The following SH2D4B variants were observed in gnomAD, a reference collection of about 807,000 sequenced individuals.
SH2D4B encodes the protein SH2 domain containing 4B, also known as SH2 domain-containing protein 4B.
SH2D4B carries 45 observed loss-of-function variants against 61.5 expected under a neutral mutation model. The observed-to-expected ratio is 0.73, with a 90% CI of 0.58 to 0.94. The LOEUF (loss-of-function observed/expected upper bound fraction) is 0.94, where lower values mean the gene tolerates loss of function less well. Ranked by LOEUF, SH2D4B falls within the 40% of genes least tolerant of loss-of-function variation. The probability of loss-of-function intolerance (pLI) is 0.00; values close to 1 mark genes in which losing one functional copy is unlikely to be tolerated. For missense variants in SH2D4B, 572 were observed against 574.2 expected, an observed-to-expected ratio of 1.00 and a Z score of 0.04; for synonymous variants, 224 against 220.4, an observed-to-expected ratio of 1.02 and a Z score of -0.14.
At chr10:80,549,328 G>A (rs1315041883) in intron 1 of SH2D4B, among the ~76,000 whole-genome samples, 1 of 152,136 alleles carries the variant, frequency 6.6e-6, no homozygotes, top group Non-Finnish European at 1.5e-5. Context: ...CCTGGACCTT[G>A]AGATCCGGTA....
chr10:80,542,765 C>T (rs1424623398), intron 1 of SH2D4B, among the ~76,000 whole-genome samples: 1 of 152,108 alleles, frequency 6.6e-6, no homozygotes, highest in Admixed American at 6.5e-5. Flanking sequence ...GCCTCTCATC[C>T]TTCTGGATGC....
At chr10:80,613,625 T>A (rs1842627420) in intron 6 of SH2D4B, among the ~76,000 whole-genome samples, 1 of 152,218 alleles carries the variant, frequency 6.6e-6, no homozygotes, top group African/African-American at 2.4e-5. Context: ...GGGTGGGCCT[T>A]TGGCTGTCCT....
At chr10:80,569,002 T>G (rs1842005607) in intron 1 of SH2D4B, among the ~76,000 whole-genome samples, 1 of 152,260 alleles carries the variant, frequency 6.6e-6, no homozygotes, top group African/African-American at 2.4e-5. Flanking sequence ...ACCACCCAAC[T>G]GCTAAGGCAG....
chr10:80,556,082 C>T (rs1346649951), intron 1 of SH2D4B, among the ~76,000 whole-genome samples: 1 of 151,842 alleles, frequency 6.6e-6, no homozygotes, highest in Non-Finnish European at 1.5e-5. Flanking sequence ...ACCTTTCTCA[C>T]TCCTTGACAG....
intron 4 of SH2D4B, among the ~76,000 whole-genome samples, chr10:80,593,609 T>C (rs1842356286): frequency 6.6e-6 from 1 of 152,236 alleles, no homozygotes. Context: ...GTATTCCTTA[T>C]GATTTTCTAC....
At chr10:80,585,964 C>T (rs7095027) in intron 3 of SH2D4B, among the ~76,000 whole-genome samples, 17 of 151,916 alleles carry the variant, frequency 1.1e-4, no homozygotes, top group Non-Finnish European at 2.2e-4. Flanking sequence ...TGGCCCCACA[C>T]TCGGAGCGTC....
Position 80,539,636 on chromosome 10 carries a change from C to T in SH2D4B, c.184+1121C>T, listed in dbSNP as rs572536327. On this transcript the variant is annotated intron_variant, in intron 1 of 7. Coordinates refer to ENST00000646907, the MANE Select transcript of SH2D4B (RefSeq NM_001388272.1). The surrounding 1 kb of genome is among the most constrained non-coding windows in gnomAD (Gnocchi z 4.9). ...GCTCTTGCATAGGGCAGTACTTGCT[C>T]CTCTGTGGCTGCCTGGCATGTAGGA... 1.8e-3 allele frequency among the ~76,000 whole-genome samples: 267 copies of T among 152,318 alleles called. 4 individuals carry two copies. The highest frequency in any genetic ancestry group is 6.8e-3 in the Middle Eastern group (2 of 294).
intron 3 of SH2D4B, among the ~76,000 whole-genome samples, chr10:80,580,535 T>C (rs1008155019): frequency 5.3e-5 from 8 of 152,278 alleles, no homozygotes; most frequent in African/African-American, 1.9e-4. Context: ...CTGGTTTCTA[T>C]TTAGTCCTTA....
At chr10:80,555,707 C>G (rs1162683595) in intron 1 of SH2D4B, among the ~76,000 whole-genome samples, 1 of 152,174 alleles carries the variant, frequency 6.6e-6, no homozygotes, top group Non-Finnish European at 1.5e-5. Flanking sequence ...CTGAAGCTTT[C>G]CTAGTTTTAA....
At chr10:80,570,421 T>A in intron 2 of SH2D4B, 105 bp downstream of exon 2, 1 of 1,379,352 alleles carries the variant, frequency 7.2e-7, no homozygotes, top group Non-Finnish European at 9.7e-7. Context: ...AGTTCCATCA[T>A]GTTGGCCGGG....
intron 6 of SH2D4B, among the ~76,000 whole-genome samples, chr10:80,630,695 G>C (rs1270489842): frequency 6.6e-6 from 1 of 152,230 alleles, no homozygotes; most frequent in Non-Finnish European, 1.5e-5. Context: ...CTTGCACAAA[G>C]GTAGAGTGTA....
At chr10:80,631,258 T>C (rs371286768) in intron 6 of SH2D4B, among the ~76,000 whole-genome samples, 3 of 152,360 alleles carry the variant, frequency 2.0e-5, no homozygotes, top group South Asian at 4.1e-4. Flanking sequence ...TATTTATTAA[T>C]GTATTTTTGA....
At position 80,603,762 on chromosome 10, in the gene SH2D4B, C is replaced by CCACCA; in HGVS notation, c.827_828insCACCA (p.Gly277ThrfsTer70). ...AGACTCTACCACCACCTCCCCGACCCGGGTCTGCCGCAGCCCCTTGCCCTG... is the reference window on the plus strand; with the variant it reads ...AGACTCTACCACCACCTCCCCGACCCCACCAGGGTCTGCCGCAGCCCCTTGCCCTG... On this transcript the variant is annotated frameshift_variant, in exon 5 of 8. Coordinates refer to ENST00000646907, the MANE Select transcript of SH2D4B (RefSeq NM_001388272.1). LOFTEE classifies it high-confidence loss of function. 1 of 1,611,994 alleles carries CCACCA rather than the reference C, an allele frequency of 6.2e-7. No homozygotes were observed.
chr10:80,548,351 A>C (rs928869890), intron 1 of SH2D4B, among the ~76,000 whole-genome samples: 2 of 152,096 alleles, frequency 1.3e-5, no homozygotes, highest in East Asian at 3.9e-4. Flanking sequence ...TTTAGCAGAG[A>C]TGGGGTTTCA....
intron 4 of SH2D4B, among the ~76,000 whole-genome samples, chr10:80,591,725 T>C (rs573738157): frequency 4.6e-4 from 70 of 152,210 alleles, no homozygotes; most frequent in African/African-American, 1.5e-3. Context: ...GGTCTGGAAC[T>C]CCTGACCTCA....
rs79594293 is a variant in SH2D4B, at chr10:80,611,786, CT to C, written c.988+2248del. On this transcript the variant is annotated intron_variant, in intron 6 of 7. Transcript: ENST00000646907. The stretch of plus-strand genomic sequence containing the variant: ...TTTTTAGCTTTGTTTTCTTTTTTGA[CT>C]TTTTTTTTTTTTAAAAGGTAACTTT... Among the ~76,000 whole-genome samples the C allele has an allele frequency of 6.9e-3, 990 of 144,244 alleles. 7 individuals carry two copies. Among genetic ancestry groups the C allele is most frequent in the African/African-American group, 0.017 (682 of 39,212 alleles). 94.6% of individuals were successfully genotyped at this position (144,244 alleles called of 152,430 possible). A position where few individuals can be genotyped will look rare whatever the true frequency, so the allele number is the denominator to read the frequency against.
intron 3 of SH2D4B, among the ~76,000 whole-genome samples, chr10:80,571,940 A>T (rs4268454): frequency 0.39 from 58,427 of 151,284 alleles, 13,450 homozygotes; most frequent in African/African-American, 0.65. Context: ...ACCCGGCTAA[A>T]TTTTTGTATT....
intron 1 of SH2D4B, among the ~76,000 whole-genome samples, chr10:80,568,423 T>C (rs1379285009): frequency 1.3e-5 from 2 of 152,098 alleles, no homozygotes; most frequent in East Asian, 3.9e-4. Context: ...GGAATGAGCC[T>C]AGCATCCTCA....
intron 7 of SH2D4B, among the ~76,000 whole-genome samples, chr10:80,643,411 A>G (rs1389774229): frequency 6.6e-6 from 1 of 151,914 alleles, no homozygotes; most frequent in Non-Finnish European, 1.5e-5. Flanking sequence ...TCTTTCTTTT[A>G]TGGTTATAAT....
Sources: allele counts gnomAD v4.1 joint callset (sites outside exome capture counted in the v4.1 genomes callset), GRCh38; gene constraint gnomAD v4.1.1; non-coding constraint Gnocchi (gnomAD v3.1); transcripts MANE v1.5; gene names NCBI Gene and HGNC (gene_info 2026-07-23, HGNC 2026-07-21).